HS2ST1: variants seen among roughly 807,000 people sequenced by gnomAD.
The protein encoded by HS2ST1 is heparan sulfate 2-O-sulfotransferase 1.
A neutral mutation model predicts 42.9 loss-of-function variants in HS2ST1; 18 were observed. That is an observed-to-expected ratio of 0.42 (90% CI 0.29 to 0.62). HS2ST1 has a LOEUF of 0.62. Among genes scored for constraint, HS2ST1 ranks in the 20% least tolerant of loss-of-function variants. The pLI is 0.21. For missense variants in HS2ST1, 334 were observed against 433.8 expected (o/e 0.77, Z 2.04); for synonymous variants, 146 against 152.9 (o/e 0.95, Z 0.33).
intron 1 of HS2ST1, among the ~76,000 whole-genome samples, chr1:87,067,362 A>C (rs1156386088): frequency 2.0e-5 from 3 of 152,212 alleles, no homozygotes; most frequent in East Asian, 3.9e-4. Flanking sequence ...TGGCTGCATA[A>C]ATGTCTTCTT....
At chr1:87,019,437 C>T (rs1328164130) in intron 1 of HS2ST1, among the ~76,000 whole-genome samples, 3 of 152,228 alleles carry the variant, frequency 2.0e-5, no homozygotes, top group East Asian at 1.9e-4. Flanking sequence ...CACTCCTTCT[C>T]TGGGCCCTGC....
chr1:87,065,794 T>A lies in HS2ST1; in HGVS notation c.125-7140T>A, dbSNP rs780729098. Reference sequence around the variant, plus strand: ...TTACTGAAGTGTTATTATTGCTGATTTCTGTGTTTTCTTACTATAGTTAAA... The same window carrying A: ...TTACTGAAGTGTTATTATTGCTGATATCTGTGTTTTCTTACTATAGTTAAA... On this transcript the variant is annotated intron_variant, in intron 1 of 6. Transcript: ENST00000370550. 2.0e-5 allele frequency among the ~76,000 whole-genome samples: 3 copies of A among 152,348 alleles called. No homozygotes were observed. The East Asian group carries it at 5.8e-4, about 29-fold the overall frequency.
At chr1:87,086,461 G>A (rs1002705998) in intron 3 of HS2ST1, among the ~76,000 whole-genome samples, 1 of 152,142 alleles carries the variant, frequency 6.6e-6, no homozygotes, top group African/African-American at 2.4e-5. Context: ...ACTTTGTGGA[G>A]TCCAGTAAAA....
At chr1:86,959,120 C>G (rs72947897) in intron 1 of HS2ST1, among the ~76,000 whole-genome samples, 4 of 152,124 alleles carry the variant, frequency 2.6e-5, no homozygotes, top group East Asian at 1.9e-4. Flanking sequence ...AAAAAACTTA[C>G]AGCTAACATC....
intron 2 of HS2ST1, among the ~76,000 whole-genome samples, chr1:87,076,817 C>G (rs1651555980): frequency 6.6e-6 from 1 of 152,120 alleles, no homozygotes; most frequent in African/African-American, 2.4e-5. Context: ...ATGTTTAGGT[C>G]TATGATTATA....
At chr1:87,092,881 C>A (rs914856072) in intron 4 of HS2ST1, among the ~76,000 whole-genome samples, 1 of 151,840 alleles carries the variant, frequency 6.6e-6, no homozygotes, top group African/African-American at 2.4e-5. Context: ...AAAAATATTT[C>A]TTTTCCAGGG....
chr1:87,077,463 T>A (rs1025580415), intron 2 of HS2ST1, among the ~76,000 whole-genome samples: 3 of 152,192 alleles, frequency 2.0e-5, no homozygotes, highest in African/African-American at 7.2e-5. Context: ...TGTTATCCAT[T>A]TAAGGTTTAA....
chr1:86,990,620 A>C (rs1324047074), intron 1 of HS2ST1, among the ~76,000 whole-genome samples: 1 of 151,230 alleles, frequency 6.6e-6, no homozygotes, highest in Non-Finnish European at 1.5e-5. Flanking sequence ...GCCAGATTCA[A>C]TCCAGATAAT....
chr1:87,045,526 A>G, intron 1 of HS2ST1: 4 of 837,148 alleles, frequency 4.8e-6, no homozygotes, highest in Non-Finnish European at 6.4e-6. Flanking sequence ...GCACATATGT[A>G]ACAATTGGGG....
intron 1 of HS2ST1, among the ~76,000 whole-genome samples, chr1:86,953,644 A>G (rs1647588625): frequency 6.6e-6 from 1 of 152,144 alleles, no homozygotes; most frequent in Admixed American, 6.5e-5. Flanking sequence ...CCTGTAATCC[A>G]GCTACTCAGG....
chr1:86,976,687 C>G (rs559229298), intron 1 of HS2ST1, among the ~76,000 whole-genome samples: 20 of 46,050 alleles, frequency 4.3e-4, no homozygotes, highest in Non-Finnish European at 1.0e-3. Flanking sequence ...GTAAATCCAT[C>G]TTTTCTTTAT....
In HS2ST1 at chr1:86,966,728, A is replaced by G. The variant is rs146812055; in HGVS notation, c.124+51568A>G. On this transcript the variant is annotated intron_variant, in intron 1 of 6. Transcript: ENST00000370550. ...TGAGTAGCTGGTAGATTACCAGCAC[A>G]TGCTACCATGCCCAATTTATCATCT... 5.3e-5 allele frequency among the ~76,000 whole-genome samples: 8 copies of G among 152,314 alleles called. No individual in the cohort carries two copies. The South Asian group carries it at 1.0e-3, about 20-fold the overall frequency.
chr1:86,964,828 G>GT (rs1270112859), intron 1 of HS2ST1, among the ~76,000 whole-genome samples: 2 of 152,234 alleles, frequency 1.3e-5, no homozygotes, highest in Admixed American at 1.3e-4. Flanking sequence ...CAATTTATTT[G>GT]TTTTTATTGT....
chr1:86,968,059 G>A (rs1304152057), intron 1 of HS2ST1, among the ~76,000 whole-genome samples: 2 of 152,164 alleles, frequency 1.3e-5, no homozygotes, highest in East Asian at 3.8e-4. Flanking sequence ...ATGTTGAGCA[G>A]CGTTTCATAT....
At chr1:86,963,578 T>C (rs953255107) in intron 1 of HS2ST1, among the ~76,000 whole-genome samples, 6 of 152,164 alleles carry the variant, frequency 3.9e-5, no homozygotes, top group Admixed American at 2.6e-4. Context: ...ACAGCAATAA[T>C]CTGATTTCTC....
intron 1 of HS2ST1, among the ~76,000 whole-genome samples, chr1:86,951,715 A>G (rs961844829): frequency 6.6e-6 from 1 of 152,204 alleles, no homozygotes; most frequent in Non-Finnish European, 1.5e-5. Flanking sequence ...TCTCTGTAGC[A>G]CGGAGTGCTG....
intron 1 of HS2ST1, among the ~76,000 whole-genome samples, chr1:87,023,902 A>G (rs1650017132): frequency 6.6e-6 from 1 of 152,148 alleles, no homozygotes; most frequent in African/African-American, 2.4e-5. Context: ...ACTGGGACAT[A>G]TCCATAGTAG....
At chr1:87,102,267 G>A (rs1271587105) in intron 5 of HS2ST1, among the ~76,000 whole-genome samples, 10 of 151,986 alleles carry the variant, frequency 6.6e-5, no homozygotes, top group Admixed American at 3.9e-4. Context: ...CATGTTGGTC[G>A]GGCTGGTCTT....
chr1:87,037,007 T>C (rs1206738448), intron 1 of HS2ST1, among the ~76,000 whole-genome samples: 1 of 152,108 alleles, frequency 6.6e-6, no homozygotes, highest in Admixed American at 6.6e-5. Flanking sequence ...AAACCTTAGG[T>C]AATAAAGTGC....
Sources: gnomAD v4.1 joint callset for allele counts (sites outside exome capture counted in the v4.1 genomes callset) on GRCh38, gnomAD v4.1.1 for gene constraint, MANE v1.5 for transcripts, NCBI Gene and HGNC (gene_info 2026-07-23, HGNC 2026-07-21) for gene names.